TMEM245: variants seen among roughly 807,000 people sequenced by gnomAD.
TMEM245 encodes the protein protein CG-2.
A neutral mutation model predicts 101.2 loss-of-function variants in TMEM245; 69 were observed. That is an observed-to-expected ratio of 0.68 (90% CI 0.56 to 0.83). The LOEUF (loss-of-function observed/expected upper bound fraction) is 0.83. Ranked by LOEUF, TMEM245 falls within the 40% of genes least tolerant of loss-of-function variation. The probability of loss-of-function intolerance (pLI) is 0.00; values close to 1 mark genes in which losing one functional copy is unlikely to be tolerated. For missense variants in TMEM245, 1,075 were observed against 1,092.8 expected (o/e 0.98, Z 0.23); for synonymous variants, 537 against 449.8 (o/e 1.19, Z -2.45).
In TMEM245 at chr9:109,020,337, G is replaced by A. The variant is rs1388311779; in HGVS notation, c.*123C>T. 2.2e-6 allele frequency: 2 copies of A among 910,820 alleles called. No individual in the cohort carries two copies. Among genetic ancestry groups the A allele is most frequent in the African/African-American group, 3.3e-5 (2 of 61,522 alleles). The allele number at this position is 910,820 out of a possible 1,614,324, so 56.4% of individuals were successfully genotyped here. The stretch of plus-strand genomic sequence containing the variant: ...AGGCATTCTGTATGTAAGGCCAGGA[G>A]GCTTCTGCTTCTTTCCTGGGTTTTG... On this transcript the variant is annotated 3_prime_UTR_variant, in exon 18 of 18. Coordinates refer to ENST00000374586, the MANE Select transcript of TMEM245 (RefSeq NM_032012.4).
chr9:109,076,262 C>G (rs1173170304), intron 8 of TMEM245, among the ~76,000 whole-genome samples: 1 of 130,514 alleles, frequency 7.7e-6, no homozygotes, highest in East Asian at 2.3e-4. Context: ...AAACCATTCT[C>G]AGCAAACTAT....
chr9:109,087,775 C>T (rs1049534150), intron 5 of TMEM245, among the ~76,000 whole-genome samples: 1 of 152,106 alleles, frequency 6.6e-6, no homozygotes, highest in Non-Finnish European at 1.5e-5. Context: ...CTTAGTTGCT[C>T]GTTATTTAGT....
intron 3 of TMEM245, among the ~76,000 whole-genome samples, chr9:109,103,034 C>T (rs973862605): frequency 2.6e-5 from 4 of 152,208 alleles, no homozygotes; most frequent in Admixed American, 2.6e-4. Context: ...ATATAGGTCA[C>T]TCACAGCCAG....
At chr9:109,038,322 A>G (rs1003225671) in intron 14 of TMEM245, 2 of 380,928 alleles carry the variant, frequency 5.3e-6, no homozygotes, top group East Asian at 4.1e-5. Flanking sequence ...GTAATATGAA[A>G]TATGTTTTAT....
At chr9:109,114,076 CCAAAA>C (rs142144175) in intron 1 of TMEM245, among the ~76,000 whole-genome samples, 4,700 of 152,128 alleles carry the variant, frequency 0.031, 112 homozygotes, top group East Asian at 0.12. Flanking sequence ...AAATCCATCC[CCAAAA>C]CAAAACAAAA....
chr9:109,061,251 G>C (rs1829002526), intron 10 of TMEM245, among the ~76,000 whole-genome samples: 1 of 152,088 alleles, frequency 6.6e-6, no homozygotes, highest in African/African-American at 2.4e-5. Flanking sequence ...AGGAGGTTGA[G>C]GCTGCAGTGA....
intron 9 of TMEM245, among the ~76,000 whole-genome samples, chr9:109,071,926 G>C (rs10979679): frequency 0.053 from 6,058 of 114,712 alleles, 303 homozygotes; most frequent in East Asian, 0.13. Flanking sequence ...TAAAGGACTA[G>C]AGAGTAAGTA....
intron 9 of TMEM245, among the ~76,000 whole-genome samples, chr9:109,072,451 A>C (rs1248764653): frequency 1.3e-5 from 2 of 152,194 alleles, no homozygotes; most frequent in African/African-American, 4.8e-5. Context: ...TTTTAGATCT[A>C]AGTGATTACA....
chr9:109,099,065 T>C (rs16913811), intron 3 of TMEM245, among the ~76,000 whole-genome samples: 5,160 of 152,288 alleles, frequency 0.034, 295 homozygotes, highest in African/African-American at 0.12. Flanking sequence ...TTACCAGAAA[T>C]ACATCCAAAC....
intron 3 of TMEM245, among the ~76,000 whole-genome samples, chr9:109,101,523 A>T (rs1830282068): frequency 6.6e-6 from 1 of 152,234 alleles, no homozygotes; most frequent in African/African-American, 2.4e-5. Flanking sequence ...GAAGAAAAAA[A>T]TACTCAGAAA....
At chr9:109,104,092 G>GA (rs529192422) in intron 3 of TMEM245, among the ~76,000 whole-genome samples, 13 of 146,986 alleles carry the variant, frequency 8.8e-5, no homozygotes, top group Admixed American at 4.1e-4. Flanking sequence ...CTCAAAAACA[G>GA]AAAAAAAAAA....
intron 1 of TMEM245, among the ~76,000 whole-genome samples, chr9:109,116,201 C>T (rs374906220): frequency 9.2e-5 from 14 of 152,340 alleles, no homozygotes; most frequent in East Asian, 7.7e-4. Flanking sequence ...TCTTCAGCAG[C>T]AGGCTCATGG....
chr9:109,020,573 T>C, intron 17 of TMEM245, 68 bp from the exon 18 acceptor site: 4 of 1,423,962 alleles, frequency 2.8e-6, no homozygotes, highest in Non-Finnish European at 4.0e-6. Flanking sequence ...TACAATCTTT[T>C]GGAGCCCTAA....
chr9:109,078,347 T>C (rs1362018835), intron 8 of TMEM245, among the ~76,000 whole-genome samples: 3 of 152,224 alleles, frequency 2.0e-5, no homozygotes, highest in Non-Finnish European at 4.4e-5. Context: ...TTCCAAGTGC[T>C]TTCATCCCTT....
intron 2 of TMEM245, among the ~76,000 whole-genome samples, chr9:109,108,239 G>A (rs1830477774): frequency 6.6e-6 from 1 of 151,804 alleles, no homozygotes; most frequent in Non-Finnish European, 1.5e-5. Context: ...ACTTTTAAAA[G>A]GACCTTTTGG....
At chr9:109,094,245 CAACCTTT>C (rs1164960620) in intron 3 of TMEM245, among the ~76,000 whole-genome samples, 1 of 152,214 alleles carries the variant, frequency 6.6e-6, no homozygotes, top group Non-Finnish European at 1.5e-5. Context: ...GGAAGTCTGT[CAACCTTT>C]AACCTTCTAT....
rs1827571409 is a variant in TMEM245, at chr9:109,019,997, T to A, written c.*463A>T. Reference sequence around the variant, plus strand: ...TTTTCCTGCTCACTCAACTACACACTCAAAAGTGAAAGCCCTCTTCCTTGA... The same window carrying A: ...TTTTCCTGCTCACTCAACTACACACACAAAAGTGAAAGCCCTCTTCCTTGA... On this transcript the variant is annotated 3_prime_UTR_variant, in exon 18 of 18. Coordinates refer to ENST00000374586, the MANE Select transcript of TMEM245 (RefSeq NM_032012.4). 6.5e-6 allele frequency: 1 copy of A among 153,938 alleles called. No homozygotes were observed. Among genetic ancestry groups the A allele is most frequent in the African/African-American group, 2.4e-5 (1 of 41,440 alleles). 9.5% of individuals were successfully genotyped at this position (153,938 alleles called of 1,614,324 possible). A position where few individuals can be genotyped will look rare whatever the true frequency, so the allele number is the denominator to read the frequency against.
chr9:109,081,207 C>T (rs1417521290), intron 7 of TMEM245, among the ~76,000 whole-genome samples: 1 of 152,134 alleles, frequency 6.6e-6, no homozygotes, highest in East Asian at 1.9e-4. Flanking sequence ...AATTCTCAAA[C>T]TATAGGATAT....
intron 9 of TMEM245, among the ~76,000 whole-genome samples, chr9:109,071,406 C>A (rs1362309051): frequency 2.6e-5 from 4 of 151,682 alleles, no homozygotes; most frequent in African/African-American, 9.7e-5. Flanking sequence ...CCCAGGTGTT[C>A]AAGACCAGCC....
Sources: gnomAD v4.1 joint callset for allele counts (sites outside exome capture counted in the v4.1 genomes callset) on GRCh38, gnomAD v4.1.1 for gene constraint, MANE v1.5 for transcripts, NCBI Gene and HGNC (gene_info 2026-07-23, HGNC 2026-07-21) for gene names.